Variants in CTNNA3 observed in about 807,000 individuals in gnomAD.
CTNNA3 encodes catenin alpha 3, also known as catenin alpha-3.
In CTNNA3, 76 loss-of-function variants were observed where a neutral mutation model predicts 95.7. That is an observed-to-expected ratio of 0.79 (90% confidence interval 0.66 to 0.96). CTNNA3 has a LOEUF of 0.96. CTNNA3 is among the 40% of genes least tolerant of loss of function. CTNNA3 has a pLI of 0.00. For missense variants in CTNNA3, 1,191 were observed against 1,089.8 expected, an observed-to-expected ratio of 1.09 and a Z score of -1.31; for synonymous variants, 431 against 374.4, an observed-to-expected ratio of 1.15 and a Z score of -1.74.
chr10:66,463,722 T>C (rs917702139), intron 11 of CTNNA3, among the ~76,000 whole-genome samples: 1 of 152,068 alleles, frequency 6.6e-6, no homozygotes, highest in Non-Finnish European at 1.5e-5. Context: ...TCCCCTATAC[T>C]GATAGGGCAG....
intron 1 of CTNNA3, among the ~76,000 whole-genome samples, chr10:67,674,602 T>C (rs1193166411): frequency 6.6e-6 from 1 of 152,124 alleles, no homozygotes; most frequent in Non-Finnish European, 1.5e-5. Flanking sequence ...CAAAACAAGA[T>C]ATTACATGAC....
intron 7 of CTNNA3, among the ~76,000 whole-genome samples, chr10:67,057,930 G>A (rs969196310): frequency 6.6e-6 from 1 of 152,108 alleles, no homozygotes; most frequent in Non-Finnish European, 1.5e-5. Context: ...TGCTCTCAAG[G>A]ATATCACTTT....
intron 5 of CTNNA3, among the ~76,000 whole-genome samples, chr10:67,507,405 G>A (rs182207176): frequency 4.6e-5 from 7 of 152,126 alleles, no homozygotes; most frequent in South Asian, 2.1e-4. Context: ...GCACACGCCT[G>A]TAATCCCAGC....
intron 13 of CTNNA3, among the ~76,000 whole-genome samples, chr10:66,263,826 T>G (rs1447235742): frequency 6.6e-6 from 1 of 151,986 alleles, no homozygotes; most frequent in East Asian, 1.9e-4. Flanking sequence ...TGATCATCTA[T>G]ATTCCCAGAT....
intron 9 of CTNNA3, among the ~76,000 whole-genome samples, chr10:66,686,444 C>G (rs1847300038): frequency 6.6e-6 from 1 of 152,190 alleles, no homozygotes; most frequent in Admixed American, 6.5e-5. Flanking sequence ...GCCTGGGTGA[C>G]AGAGTGAGAC....
At chr10:66,094,265 C>T (rs1021924560) in intron 14 of CTNNA3, among the ~76,000 whole-genome samples, 1 of 152,026 alleles carries the variant, frequency 6.6e-6, no homozygotes, top group Non-Finnish European at 1.5e-5. Context: ...GAGGAGGTAG[C>T]ATTGAAGAGA....
At chr10:67,416,533 G>A (rs189812033) in intron 5 of CTNNA3, among the ~76,000 whole-genome samples, 4 of 150,658 alleles carry the variant, frequency 2.7e-5, no homozygotes, top group African/African-American at 7.3e-5. Context: ...GCGTGAACCC[G>A]GGGGGCGGAG....
At chr10:67,718,503 G>A (rs1316022454) in intron 1 of CTNNA3, among the ~76,000 whole-genome samples, 1 of 152,160 alleles carries the variant, frequency 6.6e-6, no homozygotes, top group Admixed American at 6.5e-5. Context: ...TTTACTGAAG[G>A]TTTTTAGCAT....
intron 5 of CTNNA3, among the ~76,000 whole-genome samples, chr10:67,415,658 T>C (rs1381083904): frequency 6.6e-6 from 1 of 152,200 alleles, no homozygotes; most frequent in East Asian, 1.9e-4. Flanking sequence ...TTAAAATTCA[T>C]ATAGAACGAC....
At chr10:67,103,004 A>G (rs550721152) in intron 7 of CTNNA3, among the ~76,000 whole-genome samples, 48 of 151,902 alleles carry the variant, frequency 3.2e-4, no homozygotes, top group African/African-American at 1.0e-3. Context: ...TTTGCCACCT[A>G]TAATATCCTT....
chr10:65,932,534 T>C (rs77613444), intron 17 of CTNNA3, among the ~76,000 whole-genome samples: 2 of 152,300 alleles, frequency 1.3e-5, no homozygotes, highest in Non-Finnish European at 2.9e-5. Context: ...TTCAGTGCCT[T>C]GCCCAAGGTA....
At chr10:67,733,667 T>C (rs1247166625) in intron 1 of CTNNA3, among the ~76,000 whole-genome samples, 1 of 152,202 alleles carries the variant, frequency 6.6e-6, no homozygotes, top group Non-Finnish European at 1.5e-5. Context: ...GTCACTTACC[T>C]TTCCGACAAA....
intron 12 of CTNNA3, among the ~76,000 whole-genome samples, chr10:66,345,054 C>T (rs1187301377): frequency 6.6e-6 from 1 of 151,886 alleles, no homozygotes; most frequent in African/African-American, 2.4e-5. Flanking sequence ...AAGAGAGGAG[C>T]AAGACTTATC....
chr10:67,009,397 C>T (rs1164896417), intron 7 of CTNNA3, among the ~76,000 whole-genome samples: 1 of 151,872 alleles, frequency 6.6e-6, no homozygotes, highest in Non-Finnish European at 1.5e-5. Context: ...GTTGTTATTG[C>T]TTCTAATATT....
chr10:67,287,142 A>C, intron 5 of CTNNA3, among the ~76,000 whole-genome samples: 1 of 152,136 alleles, frequency 6.6e-6, no homozygotes, highest in East Asian at 1.9e-4. Flanking sequence ...GTTCGAGACC[A>C]GCCTGGACAA....
At chr10:66,618,134 C>T (rs562483326) in intron 10 of CTNNA3, among the ~76,000 whole-genome samples, 5 of 152,068 alleles carry the variant, frequency 3.3e-5, no homozygotes, top group Admixed American at 6.6e-5. Flanking sequence ...TGGCATACTG[C>T]CCAAGGTAAT....
At chr10:67,570,601 T>C (rs1841945873) in intron 3 of CTNNA3, among the ~76,000 whole-genome samples, 1 of 152,158 alleles carries the variant, frequency 6.6e-6, no homozygotes, top group African/African-American at 2.4e-5. Context: ...TTTTACTAGG[T>C]GGTTCCACCT....
chr10:67,460,260 G>A (rs1016204125), intron 5 of CTNNA3, among the ~76,000 whole-genome samples: 3 of 152,194 alleles, frequency 2.0e-5, no homozygotes, highest in African/African-American at 7.2e-5. Flanking sequence ...CCACTGGTTG[G>A]ACCTGAACCC....
At chr10:66,267,171 G>T (rs1390306686) in intron 13 of CTNNA3, among the ~76,000 whole-genome samples, 1 of 152,056 alleles carries the variant, frequency 6.6e-6, no homozygotes, top group East Asian at 1.9e-4. Flanking sequence ...CGTTCCTCTC[G>T]CCATTTAGCA....
Sources: gnomAD v4.1 joint callset for allele counts (sites outside exome capture counted in the v4.1 genomes callset) on GRCh38, gnomAD v4.1.1 for gene constraint, MANE v1.5 for transcripts, NCBI Gene and HGNC (gene_info 2026-07-23, HGNC 2026-07-21) for gene names.